The following NXPH1 variants were observed in gnomAD, a reference collection of about 807,000 sequenced individuals.
NXPH1 encodes neurexophilin-1.
A neutral mutation model predicts 23.7 loss-of-function variants in NXPH1; 5 were observed. The observed-to-expected ratio is 0.21, with a 90% CI of 0.11 to 0.44. The LOEUF (loss-of-function observed/expected upper bound fraction) is 0.44, where lower values mean the gene tolerates loss of function less well. Ranked by LOEUF, NXPH1 falls within the 20% of genes least tolerant of loss-of-function variation. NXPH1 has a pLI of 0.99. For synonymous variants in NXPH1, 144 were observed against 122.2 expected, an observed-to-expected ratio of 1.18 and a Z score of -1.18; for missense variants, 324 against 321.6, an observed-to-expected ratio of 1.01 and a Z score of -0.06.
chr7:8,437,484 C>T (rs981509659), intron 2 of NXPH1, among the ~76,000 whole-genome samples: 1 of 152,296 alleles, frequency 6.6e-6, no homozygotes, highest in African/African-American at 2.4e-5. Flanking sequence ...CTGACCTGAA[C>T]TTGAGGACTG....
chr7:8,751,745 C>A lies in NXPH1; in HGVS notation c.792C>A (p.Asp264Glu), dbSNP rs763579524. 1.2e-6 allele frequency: 2 copies of A among 1,611,220 alleles called. No individual in the cohort carries two copies. Among genetic ancestry groups the A allele is most frequent in the East Asian group, 2.2e-5 (1 of 44,830 alleles). ...GCCCTGACTACAACTACCACAGTGACACACCTTACTTTCCCTCGGGATGAA... is the reference window on the plus strand; with the variant it reads ...GCCCTGACTACAACTACCACAGTGAAACACCTTACTTTCCCTCGGGATGAA... ...KVCPDYNYHS[D>E]TPYFPSG is the part of the protein sequence containing the mutation. Residue 264 changes from aspartate (D) to glutamate (E), a missense_variant, in exon 3 of 3, where the codon GAC becomes GAA. Asp to Glu is a conservative substitution (Grantham distance 45). Transcript: ENST00000405863. The surrounding 1 kb of genome is among the most constrained non-coding windows in gnomAD (Gnocchi z 4.5).
At chr7:8,548,253 C>T (rs1818225253) in intron 2 of NXPH1, among the ~76,000 whole-genome samples, 1 of 151,526 alleles carries the variant, frequency 6.6e-6, no homozygotes, top group South Asian at 2.1e-4. Flanking sequence ...TTACCATGCT[C>T]CTCAATGAGC....
chr7:8,548,568 A>G (rs1405487434), intron 2 of NXPH1, among the ~76,000 whole-genome samples: 1 of 151,492 alleles, frequency 6.6e-6, no homozygotes, highest in Non-Finnish European at 1.5e-5. Context: ...TCTCTGCGAG[A>G]CTGCCTAATG....
intron 2 of NXPH1, among the ~76,000 whole-genome samples, chr7:8,528,323 G>T (rs1041669826): frequency 1.3e-5 from 2 of 152,356 alleles, no homozygotes; most frequent in East Asian, 3.9e-4. Context: ...AGCCAGAGTG[G>T]GTGGAAGTGC....
chr7:8,531,282 G>C (rs1478745827), intron 2 of NXPH1, among the ~76,000 whole-genome samples: 2 of 152,164 alleles, frequency 1.3e-5, no homozygotes, highest in African/African-American at 4.8e-5. Flanking sequence ...AATAGCTATA[G>C]AGTGAATGAA....
At chr7:8,449,106 A>G (rs943794476) in intron 2 of NXPH1, among the ~76,000 whole-genome samples, 6 of 152,236 alleles carry the variant, frequency 3.9e-5, no homozygotes, top group Non-Finnish European at 8.8e-5. Context: ...CTGGGTTTCA[A>G]AGTCCAGGGG....
chr7:8,692,620 C>G (rs1425129857), intron 2 of NXPH1, among the ~76,000 whole-genome samples: 1 of 152,170 alleles, frequency 6.6e-6, no homozygotes, highest in Non-Finnish European at 1.5e-5. Context: ...AAGTGCTACT[C>G]AACCTTTCTC....
intron 2 of NXPH1, among the ~76,000 whole-genome samples, chr7:8,478,479 A>T (rs2128609482): frequency 6.6e-6 from 1 of 152,236 alleles, no homozygotes. Context: ...AAATGGACAA[A>T]TTTTAAGATC....
intron 2 of NXPH1, among the ~76,000 whole-genome samples, chr7:8,480,515 A>G (rs748463328): frequency 3.9e-5 from 6 of 152,176 alleles, no homozygotes; most frequent in Admixed American, 2.6e-4. Flanking sequence ...CTCCAGGGAA[A>G]ACAAGGTGAC....
chr7:8,734,828 C>T (rs1190399553), intron 2 of NXPH1, among the ~76,000 whole-genome samples: 1 of 151,940 alleles, frequency 6.6e-6, no homozygotes, highest in East Asian at 1.9e-4. Flanking sequence ...AAGTCTAAGT[C>T]TCTTTGTAGT....
chr7:8,461,843 A>AAAAAAAAAAAAAATAG (rs758426131), intron 2 of NXPH1, among the ~76,000 whole-genome samples: 43 of 121,468 alleles, frequency 3.5e-4, no homozygotes, highest in Non-Finnish European at 6.6e-4. Context: ...TCTCAAAAAA[A>AAAAAAAAAAAAAATAG]AAAAAAAAGA....
chr7:8,604,267 C>T (rs992198886), intron 2 of NXPH1, among the ~76,000 whole-genome samples: 2 of 152,074 alleles, frequency 1.3e-5, no homozygotes, highest in African/African-American at 4.8e-5. Flanking sequence ...TTCTCTGCAA[C>T]CCTTTTCAAT....
At chr7:8,529,008 T>C (rs1817909961) in intron 2 of NXPH1, among the ~76,000 whole-genome samples, 1 of 152,234 alleles carries the variant, frequency 6.6e-6, no homozygotes, top group African/African-American at 2.4e-5. Flanking sequence ...CTCTTCCAAG[T>C]TCACCAGTTG....
intron 2 of NXPH1, among the ~76,000 whole-genome samples, chr7:8,612,672 A>G (rs1459119459): frequency 6.6e-6 from 1 of 152,044 alleles, no homozygotes; most frequent in Non-Finnish European, 1.5e-5. Flanking sequence ...ATTTCTTGAT[A>G]TTAGACCACT....
At chr7:8,679,481 A>T (rs1004987335) in intron 2 of NXPH1, among the ~76,000 whole-genome samples, 1 of 152,234 alleles carries the variant, frequency 6.6e-6, no homozygotes, top group Non-Finnish European at 1.5e-5. Flanking sequence ...TTAATTGATA[A>T]CGTTAGAGTA....
chr7:8,724,113 C>A (rs1780011911), intron 2 of NXPH1, among the ~76,000 whole-genome samples: 1 of 152,294 alleles, frequency 6.6e-6, no homozygotes, highest in South Asian at 2.1e-4. Flanking sequence ...GTTCCTTCAA[C>A]AACAGCTGCT....
rs567948154 is a variant in NXPH1 at position 8,688,699 on chromosome 7, G to A, written c.55-62309G>A. Among the ~76,000 whole-genome samples, 37 of 152,260 alleles carry A rather than the reference G, an allele frequency of 2.4e-4. No individual in the cohort carries two copies. The South Asian group carries it at 7.5e-3, about 31-fold the overall frequency. On this transcript the variant is annotated intron_variant, in intron 2 of 2. Transcript: ENST00000405863. ...GGCACTCATCAGACAGTCCTATGCT[G>A]GGAAGGGGAATTGTAACTCCTGCTC...
At chr7:8,746,720 A>G (rs1377780482) in intron 2 of NXPH1, among the ~76,000 whole-genome samples, 1 of 152,206 alleles carries the variant, frequency 6.6e-6, no homozygotes, top group Non-Finnish European at 1.5e-5. Context: ...CCTCTTAACA[A>G]ATTTTTAAAC....
At chr7:8,548,596 C>G (rs1818231004) in intron 2 of NXPH1, among the ~76,000 whole-genome samples, 2 of 151,494 alleles carry the variant, frequency 1.3e-5, no homozygotes, top group South Asian at 4.1e-4. Context: ...GACGCTGTCT[C>G]TGACATGAGA....
Sources: gnomAD v4.1 joint callset for allele counts (sites outside exome capture counted in the v4.1 genomes callset) on GRCh38, gnomAD v4.1.1 for gene constraint, Gnocchi (gnomAD v3.1) non-coding constraint, MANE v1.5 for transcripts, NCBI Gene and HGNC (gene_info 2026-07-23, HGNC 2026-07-21) for gene names.